Variants in BCAS3 observed in about 807,000 individuals in gnomAD.
BCAS3 encodes the protein BCAS3 microtubule associated cell migration factor.
BCAS3 carries 53 observed loss-of-function variants against 116.1 expected under a neutral mutation model. The observed-to-expected ratio is 0.46, with a 90% CI of 0.37 to 0.57. The LOEUF is 0.57. BCAS3 is among the 20% of genes least tolerant of loss of function. BCAS3 has a pLI of 0.00. For missense variants in BCAS3, 917 were observed against 1,165.4 expected, an observed-to-expected ratio of 0.79 and a Z score of 3.10; for synonymous variants, 391 against 408.2, an observed-to-expected ratio of 0.96 and a Z score of 0.51.
chr17:60,860,361 T>C (rs1446874144), intron 7 of BCAS3, among the ~76,000 whole-genome samples: 1 of 152,222 alleles, frequency 6.6e-6, no homozygotes, highest in Non-Finnish European at 1.5e-5. Flanking sequence ...TCTTGCTTGT[T>C]GACTTATAGA....
chr17:60,785,535 G>A (rs749263143), intron 6 of BCAS3, among the ~76,000 whole-genome samples: 5 of 152,128 alleles, frequency 3.3e-5, no homozygotes, highest in Non-Finnish European at 7.4e-5. Flanking sequence ...ATTTTTACCA[G>A]GATGTTTATA....
intron 22 of BCAS3, among the ~76,000 whole-genome samples, chr17:61,334,282 G>C (rs961350076): frequency 6.6e-6 from 1 of 152,150 alleles, no homozygotes; most frequent in Non-Finnish European, 1.5e-5. Context: ...GGGTGAGCTG[G>C]ATGACCTTGG....
intron 11 of BCAS3, among the ~76,000 whole-genome samples, chr17:60,907,073 G>A (rs1236165201): frequency 6.6e-6 from 1 of 151,994 alleles, no homozygotes; most frequent in African/African-American, 2.4e-5. Context: ...TATATTCATT[G>A]CATATGTACT....
At chr17:60,799,520 GTTTGTTTTTTTT>G (rs1465873986) in intron 6 of BCAS3, among the ~76,000 whole-genome samples, 1 of 117,644 alleles carries the variant, frequency 8.5e-6, no homozygotes, top group African/African-American at 3.7e-5. Flanking sequence ...TGAGATTAGT[GTTTGTTTTTTTT>G]TTTTTTTTTT....
intron 22 of BCAS3, among the ~76,000 whole-genome samples, chr17:61,311,666 G>A (rs368335463): frequency 2.0e-5 from 3 of 152,056 alleles, no homozygotes; most frequent in African/African-American, 4.8e-5. Flanking sequence ...AGGCCGAGGC[G>A]GGCAGATAAC....
At chr17:60,999,287 C>G (rs896686093) in intron 15 of BCAS3, among the ~76,000 whole-genome samples, 1 of 151,934 alleles carries the variant, frequency 6.6e-6, no homozygotes, top group Non-Finnish European at 1.5e-5. Flanking sequence ...CGCCTGTAAT[C>G]CCAGCACTTT....
chr17:61,069,695 AG>A (rs1206313215), intron 19 of BCAS3, among the ~76,000 whole-genome samples: 3 of 151,856 alleles, frequency 2.0e-5, no homozygotes, highest in Non-Finnish European at 4.4e-5. Flanking sequence ...AAAATTAGCC[AG>A]GCATGGTGGC....
intron 22 of BCAS3, among the ~76,000 whole-genome samples, chr17:61,293,124 C>A (rs1458155115): frequency 4.6e-5 from 7 of 152,124 alleles, no homozygotes; most frequent in African/African-American, 1.7e-4. Context: ...GACTCATGTT[C>A]TGTAAGCAAG....
intron 6 of BCAS3, among the ~76,000 whole-genome samples, chr17:60,803,903 G>A (rs1270302559): frequency 6.7e-6 from 1 of 148,222 alleles, no homozygotes; most frequent in Non-Finnish European, 1.5e-5. Context: ...CCGGGTTTGA[G>A]CGATTCTCCT....
rs1316880777 is a variant in BCAS3, at chr17:61,211,193, A to G, written c.2425+126629A>G. ...AATTCTCCCAAAAAAGGTTGGAACC[A>G]CCTCTGCTTCCCTTTCCCCACTCTG... On this transcript the variant is annotated intron_variant, in intron 22 of 23. Transcript: ENST00000407086. This position sits in a 1 kb window ranked among gnomAD's most constrained non-coding sequence, Gnocchi z 4.4. Among the ~76,000 whole-genome samples, 1 of 152,166 alleles carries G rather than the reference A, an allele frequency of 6.6e-6. No individual in the cohort carries two copies. The highest frequency in any genetic ancestry group is 1.5e-5 in the Non-Finnish European group (1 of 68,028).
chr17:60,940,409 G>T (rs1043564605), intron 13 of BCAS3, among the ~76,000 whole-genome samples: 3 of 152,170 alleles, frequency 2.0e-5, no homozygotes, highest in African/African-American at 7.2e-5. Context: ...AAAATATGCT[G>T]CTGTAAGCTA....
intron 22 of BCAS3, among the ~76,000 whole-genome samples, chr17:61,320,242 G>A (rs1358634185): frequency 6.6e-6 from 1 of 151,830 alleles, no homozygotes; most frequent in Non-Finnish European, 1.5e-5. Flanking sequence ...AGTGGAATTT[G>A]AACTCAAGTC....
rs182738637 is a variant in BCAS3 at position 60,713,909 on chromosome 17, C to G, written c.321+4584C>G. ...AGTGCAGAGGGGTGATCTCGGCTCACTGCAACCTCTGCCTCCTGGGTTCAA... is the reference window on the plus strand; with the variant it reads ...AGTGCAGAGGGGTGATCTCGGCTCAGTGCAACCTCTGCCTCCTGGGTTCAA... On this transcript the variant is annotated intron_variant, in intron 5 of 23. Coordinates refer to ENST00000407086, the MANE Select transcript of BCAS3 (RefSeq NM_017679.5). Among the ~76,000 whole-genome samples the G allele has an allele frequency of 3.3e-4, 50 of 152,306 alleles. No individual in the cohort carries two copies. In the East Asian group the frequency reaches 9.1e-3, roughly 28 times the overall value.
At chr17:61,329,343 A>ATTATTTTTTTTTTTTTTTTTTTT (rs1555831750) in intron 22 of BCAS3, among the ~76,000 whole-genome samples, 1 of 131,280 alleles carries the variant, frequency 7.6e-6, no homozygotes, top group African/African-American at 2.9e-5. Flanking sequence ...TATTATTATT[A>ATTATTTTTTTTTTTTTTTTTTTT]TTTTTTTTTT....
intron 5 of BCAS3, among the ~76,000 whole-genome samples, chr17:60,724,467 G>T (rs112200950): frequency 6.7e-6 from 1 of 148,220 alleles, no homozygotes; most frequent in Non-Finnish European, 1.5e-5. Context: ...GCTCATGCCC[G>T]TAATCCCAGC....
intron 22 of BCAS3, among the ~76,000 whole-genome samples, chr17:61,207,740 G>A (rs1450825481): frequency 1.3e-5 from 2 of 152,072 alleles, no homozygotes. Flanking sequence ...AGAATCCAGA[G>A]GAGAAAATCC....
rs1346756117 is a variant in BCAS3, at chr17:61,226,979, T to C, written c.2426-141348T>C. Among the ~76,000 whole-genome samples, 1 of 152,226 alleles carries C rather than the reference T, an allele frequency of 6.6e-6. No individual in the cohort carries two copies. Among genetic ancestry groups the C allele is most frequent in the Non-Finnish European group, 1.5e-5 (1 of 68,046 alleles). ...TAAATAAAATATGCTCTGGTGGGCC[T>C]TCCTGATGGGACCCTCGAGGGAGGA... On this transcript the variant is annotated intron_variant, in intron 22 of 23. Transcript: ENST00000407086. The surrounding 1 kb of genome is among the most constrained non-coding windows in gnomAD (Gnocchi z 6.0).
intron 22 of BCAS3, among the ~76,000 whole-genome samples, chr17:61,110,821 C>T (rs1379970370): frequency 6.6e-6 from 1 of 152,184 alleles, no homozygotes; most frequent in African/African-American, 2.4e-5. Context: ...CAGCAGTAAC[C>T]TCTGCAGACT....
intron 13 of BCAS3, among the ~76,000 whole-genome samples, chr17:60,930,293 A>G (rs921331937): frequency 6.6e-6 from 1 of 152,226 alleles, no homozygotes; most frequent in Non-Finnish European, 1.5e-5. Context: ...ATTGCTTGTT[A>G]GAATACTTTT....
Sources: allele counts gnomAD v4.1 joint callset (sites outside exome capture counted in the v4.1 genomes callset), GRCh38; gene constraint gnomAD v4.1.1; non-coding constraint Gnocchi (gnomAD v3.1); transcripts MANE v1.5; gene names NCBI Gene and HGNC (gene_info 2026-07-23, HGNC 2026-07-21).